KIAA1217: variants seen among roughly 807,000 people sequenced by gnomAD.
KIAA1217 encodes the protein sickle tail protein homolog.
KIAA1217 carries 88 observed loss-of-function variants against 163.9 expected under a neutral mutation model. That is an observed-to-expected ratio of 0.54 (90% CI 0.45 to 0.64). KIAA1217 has a LOEUF of 0.64. Ranked by LOEUF, KIAA1217 falls within the 30% of genes least tolerant of loss-of-function variation. The pLI is 0.00. For synonymous variants in KIAA1217, 903 were observed against 923.1 expected, an observed-to-expected ratio of 0.98 and a Z score of 0.39; for missense variants, 2,372 against 2,475.0, an observed-to-expected ratio of 0.96 and a Z score of 0.88.
At chr10:24,403,521 G>A (rs1289570899) in intron 3 of KIAA1217, among the ~76,000 whole-genome samples, 2 of 152,182 alleles carry the variant, frequency 1.3e-5, no homozygotes, top group Non-Finnish European at 2.9e-5. Context: ...TTACAGGCAT[G>A]AGCCATCTTG....
chr10:24,205,532 G>A (rs893900008), upstream of KIAA1217, among the ~76,000 whole-genome samples: 1 of 151,842 alleles, frequency 6.6e-6, no homozygotes, highest in African/African-American at 2.4e-5. Flanking sequence ...CCAGCACTTT[G>A]GGAGCCCGAG....
intron 5 of KIAA1217, among the ~76,000 whole-genome samples, chr10:24,445,994 C>G (rs1477901011): frequency 6.6e-6 from 1 of 152,184 alleles, no homozygotes; most frequent in Non-Finnish European, 1.5e-5. Flanking sequence ...TACAGTCCCA[C>G]CAATAGTGTA....
chr10:24,097,240 G>A (rs1057151421), intron 2 of KIAA1217, among the ~76,000 whole-genome samples: 7 of 152,168 alleles, frequency 4.6e-5, no homozygotes, highest in Non-Finnish European at 1.0e-4. Flanking sequence ...AAAGGAATAA[G>A]GGAAAAAGTA....
chr10:24,350,663 T>C (rs141911026), intron 2 of KIAA1217, among the ~76,000 whole-genome samples: 1,762 of 152,308 alleles, frequency 0.012, 47 homozygotes, highest in African/African-American at 0.04. Flanking sequence ...GTAAACTCTT[T>C]TTACCCATTA....
At chr10:24,258,123 G>A (rs1284699915) in intron 2 of KIAA1217, among the ~76,000 whole-genome samples, 3 of 152,116 alleles carry the variant, frequency 2.0e-5, no homozygotes, top group Non-Finnish European at 2.9e-5. Flanking sequence ...CAAGGCTGCC[G>A]TGAGCCGTGA....
At chr10:24,310,861 G>T (rs1178376405) in intron 2 of KIAA1217, among the ~76,000 whole-genome samples, 1 of 152,126 alleles carries the variant, frequency 6.6e-6, no homozygotes, top group Non-Finnish European at 1.5e-5. Flanking sequence ...GCCAAGTGTG[G>T]TGGTGCACAC....
At chr10:23,996,261 C>T (rs1846474335) in intron 1 of KIAA1217, among the ~76,000 whole-genome samples, 1 of 152,146 alleles carries the variant, frequency 6.6e-6, no homozygotes, top group South Asian at 2.1e-4. Context: ...GAAGCAGGAA[C>T]CATGAAAATC....
rs1010633060 is a variant in KIAA1217, at chr10:24,543,485, C to G, written c.4215C>G (p.Ser1405Arg). 1 of 1,613,956 alleles carries G rather than the reference C, an allele frequency of 6.2e-7. No homozygotes were observed. Among genetic ancestry groups the G allele is most frequent in the Non-Finnish European group, 8.5e-7 (1 of 1,180,002 alleles). Reference protein sequence around the residue: ...LSSGEVHDIVSQKGEDIQTVN... With the variant: ...LSSGEVHDIVRQKGEDIQTVN... ...GTGGGGAGGTGCATGATATTGTTAG[C>G]CAAAAGGGAGAAGACATACAGACGG... is the stretch of plus-strand genomic sequence containing the variant. Residue 1405 changes from serine to arginine, a missense_variant, in exon 19 of 21, where the codon AGC becomes AGG. Physicochemically the swap from Ser to Arg is moderately radical, Grantham distance 110 (BLOSUM62 -1). This residue lies in a region of KIAA1217 where 690 missense variants were observed against 677.5 expected (regional missense o/e 1.02). Transcript: ENST00000376454.
intron 1 of KIAA1217, among the ~76,000 whole-genome samples, chr10:23,986,307 T>A (rs1845966494): frequency 6.6e-6 from 1 of 152,222 alleles, no homozygotes; most frequent in Admixed American, 6.5e-5. Context: ...TGCAATTTTG[T>A]GTTAGACTGG....
At chr10:24,306,989 T>C (rs1190885222) in intron 2 of KIAA1217, among the ~76,000 whole-genome samples, 1 of 152,242 alleles carries the variant, frequency 6.6e-6, no homozygotes, top group African/African-American at 2.4e-5. Context: ...CTGCTTATAC[T>C]CTGATTTCTA....
Position 23,803,137 on chromosome 10 carries a change from C to T in KIAA1217, c.-321+107903C>T, listed in dbSNP as rs16923880. On this transcript the variant is annotated intron_variant, in intron 1 of 18. Transcript: ENST00000376462. ...TGTGGAAAAGCTGGACTACAGTTGACTCACTGTCCTAAGAAGTCAGATAGA... is the reference window on the plus strand; with the variant it reads ...TGTGGAAAAGCTGGACTACAGTTGATTCACTGTCCTAAGAAGTCAGATAGA... 3.7e-3 allele frequency among the ~76,000 whole-genome samples: 563 copies of T among 152,286 alleles called. 8 individuals carry two copies. Among genetic ancestry groups the T allele is most frequent in the African/African-American group, 0.012 (518 of 41,548 alleles).
chr10:24,258,452 G>A (rs2075386003), intron 2 of KIAA1217, among the ~76,000 whole-genome samples: 1 of 152,038 alleles, frequency 6.6e-6, no homozygotes. Context: ...GATACACCCT[G>A]AGAATCAGGG....
chr10:23,810,956 T>TATATATAGTATATATAATATATATAA (rs1837005540), intron 1 of KIAA1217, among the ~76,000 whole-genome samples: 1 of 117,404 alleles, frequency 8.5e-6, no homozygotes, highest in Non-Finnish European at 1.6e-5. Context: ...TATTATATAA[T>TATATATAGTATATATAATATATATAA]ATATATAGTA....
At chr10:24,425,995 A>G (rs534593392) in intron 3 of KIAA1217, among the ~76,000 whole-genome samples, 1 of 152,342 alleles carries the variant, frequency 6.6e-6, no homozygotes, top group Non-Finnish European at 1.5e-5. Flanking sequence ...AGAAAACGCA[A>G]TAAGAATCCT....
intron 1 of KIAA1217, among the ~76,000 whole-genome samples, chr10:23,887,421 A>T (rs1237266998): frequency 6.6e-6 from 1 of 151,942 alleles, no homozygotes; most frequent in Admixed American, 6.6e-5. Context: ...AAAGAAACAC[A>T]GCTATAGGCG....
chr10:24,474,819 A>G (rs2063838052), intron 6 of KIAA1217, among the ~76,000 whole-genome samples: 1 of 152,260 alleles, frequency 6.6e-6, no homozygotes, highest in African/African-American at 2.4e-5. Flanking sequence ...ATTGGTTGAA[A>G]CAAGTCAACA....
chr10:23,947,242 T>C (rs891971984), intron 1 of KIAA1217, among the ~76,000 whole-genome samples: 2 of 152,214 alleles, frequency 1.3e-5, no homozygotes, highest in African/African-American at 2.4e-5. Context: ...GTTTATAACA[T>C]GAGAATGAAT....
chr10:24,132,976 G>A (rs1299984614), intron 2 of KIAA1217, among the ~76,000 whole-genome samples: 1 of 152,006 alleles, frequency 6.6e-6, no homozygotes. Context: ...TTATTCAGAT[G>A]GCAAGAGCAA....
chr10:23,753,471 G>A (rs937283484), intron 1 of KIAA1217, among the ~76,000 whole-genome samples: 1 of 152,194 alleles, frequency 6.6e-6, no homozygotes, highest in Admixed American at 6.5e-5. Context: ...CTGTTTCTTA[G>A]TTGAAGCTGT....
Sources: gnomAD v4.1 joint callset for allele counts (sites outside exome capture counted in the v4.1 genomes callset) on GRCh38, gnomAD v4.1.1 for gene constraint, gnomAD v4.1.1 regional missense constraint, MANE v1.5 for transcripts, NCBI Gene and HGNC (gene_info 2026-07-23, HGNC 2026-07-21) for gene names.